The following COL5A2 variants were observed in gnomAD, a reference collection of about 807,000 sequenced individuals.
COL5A2 encodes collagen alpha-2(V) chain.
A neutral mutation model predicts 208.2 loss-of-function variants in COL5A2; 23 were observed. The ratio of observed to expected loss-of-function variants is 0.11; its 90% CI spans 0.08 to 0.16. The LOEUF (loss-of-function observed/expected upper bound fraction) is 0.16. Ranked by LOEUF, COL5A2 falls within the 10% of genes least tolerant of loss-of-function variation. The pLI is 1.00. For synonymous variants in COL5A2, 625 were observed against 628.5 expected (o/e 0.99, Z 0.08); for missense variants, 1,590 against 1,956.4 (o/e 0.81, Z 3.53).
chr2:189,057,743 G>C (rs1685933087), intron 33 of COL5A2, among the ~76,000 whole-genome samples: 1 of 152,052 alleles, frequency 6.6e-6, no homozygotes, highest in South Asian at 2.1e-4. Flanking sequence ...AAGAAAGAAA[G>C]ACATTACATT....
At chr2:189,268,584 G>C in the COL5A2 span, among the ~76,000 whole-genome samples, 1 of 152,018 alleles carries the variant, frequency 6.6e-6, no homozygotes, top group African/African-American at 2.4e-5. Context: ...AATAAATGAA[G>C]TTTCTTAACT....
In COL5A2 at chr2:189,051,356, T is replaced by A; in HGVS notation, c.2895A>T (p.Pro965=). The change falls in exon 42 of 54, where the codon CCA becomes CCT. Residue 965 remains proline, a synonymous_variant. Transcript: ENST00000374866. ...CTTCTCCTGGGTCCCCTTTGTCTCC[T>A]GGGCCACCAGGGGGGCCAGCTGGTC... ...DRGPAGPPGG[P]GDKGDPGEDG... 1 of 1,613,972 alleles carries A rather than the reference T, an allele frequency of 6.2e-7. No homozygotes were observed. The highest frequency in any genetic ancestry group is 8.5e-7 in the Non-Finnish European group (1 of 1,179,962).
intron 1 of COL5A2, among the ~76,000 whole-genome samples, chr2:189,113,737 T>C (rs891413824): frequency 6.7e-5 from 10 of 149,594 alleles, no homozygotes; most frequent in African/African-American, 2.4e-4. Flanking sequence ...TATGTTATTA[T>C]TGGATATATA....
At position 189,054,191 on chromosome 2, in the gene COL5A2, G is replaced by A; in HGVS notation, c.2413C>T (p.Pro805Ser). Residue 805 changes from proline (P) to serine (S), a missense_variant, in exon 36 of 54, where the codon CCT becomes TCT. Transcript: ENST00000374866. ...GARGLPGPLG[P>S]PGPAGPTGEK... ...CCAGTAGGACCTGCCGGACCTGGAG[G>A]GCCCAAAGGACCTGGAAGACCCTGT... The A allele has an allele frequency of 6.2e-7, 1 of 1,613,990 alleles. No homozygotes were observed. The highest frequency in any genetic ancestry group is 8.5e-7 in the Non-Finnish European group (1 of 1,179,916).
chr2:189,218,100 C>G (rs953399982), intron 1 of COL5A2, among the ~76,000 whole-genome samples: 1 of 152,074 alleles, frequency 6.6e-6, no homozygotes, highest in African/African-American at 2.4e-5. Flanking sequence ...ATTCTAAGAA[C>G]GTTATGCTAA....
At chr2:189,185,652 G>A (rs1186427615) in intron 1 of COL5A2, among the ~76,000 whole-genome samples, 1 of 152,166 alleles carries the variant, frequency 6.6e-6, no homozygotes, top group Non-Finnish European at 1.5e-5. Context: ...CCACGAGCAT[G>A]TTCTGTGTAG....
the COL5A2 span, among the ~76,000 whole-genome samples, chr2:189,274,075 T>C: frequency 6.6e-6 from 1 of 152,144 alleles, no homozygotes; most frequent in East Asian, 1.9e-4. Flanking sequence ...TGTTCTACAA[T>C]GTATACATAT....
chr2:189,408,583 G>C, the COL5A2 span, among the ~76,000 whole-genome samples: 5,371 of 151,990 alleles, frequency 0.035, 113 homozygotes, highest in Admixed American at 0.05. Context: ...GTTTTAGGTT[G>C]GAATTTAATA....
At chr2:189,331,755 C>A in the COL5A2 span, among the ~76,000 whole-genome samples, 1 of 151,844 alleles carries the variant, frequency 6.6e-6, no homozygotes, top group African/African-American at 2.4e-5. Context: ...GGTGAAAAAT[C>A]CTGGCTAACA....
At chr2:189,337,245 G>A in the COL5A2 span, among the ~76,000 whole-genome samples, 1 of 149,474 alleles carries the variant, frequency 6.7e-6, no homozygotes, top group Non-Finnish European at 1.5e-5. Flanking sequence ...TGCAGTGGCG[G>A]GATCTCGGCT....
chr2:189,242,787 G>T, the COL5A2 span, among the ~76,000 whole-genome samples: 1 of 152,194 alleles, frequency 6.6e-6, no homozygotes, highest in African/African-American at 2.4e-5. Flanking sequence ...ATAAACAGGG[G>T]ATAAGGAAAG....
the COL5A2 span, among the ~76,000 whole-genome samples, chr2:189,333,608 G>T: frequency 6.6e-6 from 1 of 151,982 alleles, no homozygotes; most frequent in Non-Finnish European, 1.5e-5. Context: ...TTGGACTTTG[G>T]GTCTTTAAAG....
the COL5A2 span, among the ~76,000 whole-genome samples, chr2:189,344,230 A>G: frequency 5.9e-5 from 9 of 152,216 alleles, no homozygotes; most frequent in Non-Finnish European, 1.0e-4. Flanking sequence ...CTTTGCCCCA[A>G]GAGGTAATCC....
At chr2:189,164,183 A>T (rs1688422476) in intron 1 of COL5A2, among the ~76,000 whole-genome samples, 1 of 152,186 alleles carries the variant, frequency 6.6e-6, no homozygotes. Context: ...GAGAAAAGGG[A>T]TACCATGCTA....
At chr2:189,223,040 T>C (rs1689367490) in intron 1 of COL5A2, among the ~76,000 whole-genome samples, 1 of 152,166 alleles carries the variant, frequency 6.6e-6, no homozygotes, top group African/African-American at 2.4e-5. Context: ...TAAATTTCAA[T>C]TAAAAAGGTT....
At chr2:189,167,023 A>G (rs2105811563) in intron 1 of COL5A2, among the ~76,000 whole-genome samples, 1 of 152,354 alleles carries the variant, frequency 6.6e-6, no homozygotes, top group East Asian at 1.9e-4. Flanking sequence ...AAAACACTGG[A>G]AAGGCAAGGA....
chr2:189,039,273 A>G lies in COL5A2; in HGVS notation c.3924T>C (p.Ser1308=), dbSNP rs1377794856. Residue 1308 remains serine, a splice_region_variant and synonymous_variant, in exon 51 of 54, where the codon AGT becomes AGC. Coordinates refer to ENST00000374866, the MANE Select transcript of COL5A2 (RefSeq NM_000393.5). ...DLKLCHSAKQ[S]GEYWIDPNQG... ...TCAAATGGGCTGCTGTCTACTCACC[A>G]CTCTGCTTTGCGGAATGGCAAAGCT... 6.2e-7 allele frequency: 1 copy of G among 1,613,480 alleles called. No homozygotes were observed. Among genetic ancestry groups the G allele is most frequent in the Admixed American group, 1.7e-5 (1 of 59,980 alleles).
chr2:189,057,032 A>G lies in COL5A2; in HGVS notation c.2338-6T>C, dbSNP rs375291199. On this transcript the variant is annotated splice_polypyrimidine_tract_variant and splice_region_variant and intron_variant, in intron 34 of 53. Coordinates refer to ENST00000374866, the MANE Select transcript of COL5A2 (RefSeq NM_000393.5). ...CCTTTTTCTCCTATGCCACCCTGGG[A>G]AAACACACAAAATACAATTGATTCA... 411 of 1,613,124 alleles carry G rather than the reference A, an allele frequency of 2.5e-4. No homozygotes were observed. The highest frequency in any genetic ancestry group is 3.4e-4 in the Non-Finnish European group (402 of 1,179,230).
At chr2:189,393,403 CATTA>C in the COL5A2 span, among the ~76,000 whole-genome samples, 1 of 152,112 alleles carries the variant, frequency 6.6e-6, no homozygotes, top group African/African-American at 2.4e-5. Context: ...TACACAATCT[CATTA>C]ATTCTTTTTT....
Sources: gnomAD v4.1 joint callset for allele counts (sites outside exome capture counted in the v4.1 genomes callset) on GRCh38, gnomAD v4.1.1 for gene constraint, MANE v1.5 for transcripts, NCBI Gene and HGNC (gene_info 2026-07-23, HGNC 2026-07-21) for gene names.